The following NKAIN2 variants were observed in gnomAD, a reference collection of about 807,000 sequenced individuals.
NKAIN2 encodes the protein sodium/potassium-transporting ATPase subunit beta-1-interacting protein 2.
In NKAIN2, 14 loss-of-function variants were observed where a neutral mutation model predicts 32.6. The observed-to-expected ratio is 0.43, with a 90% CI of 0.28 to 0.67. The LOEUF (loss-of-function observed/expected upper bound fraction) is 0.67. Ranked by LOEUF, NKAIN2 falls within the 30% of genes least tolerant of loss-of-function variation. The pLI is 0.17. For synonymous variants in NKAIN2, 80 were observed against 87.2 expected, an observed-to-expected ratio of 0.92 and a Z score of 0.46; for missense variants, 198 against 258.3, an observed-to-expected ratio of 0.77 and a Z score of 1.60.
intron 1 of NKAIN2, among the ~76,000 whole-genome samples, chr6:124,185,281 A>T (rs1789661145): frequency 6.6e-6 from 1 of 152,126 alleles, no homozygotes; most frequent in Non-Finnish European, 1.5e-5. Context: ...TAAAAACAAA[A>T]CATTTTCAAT....
intron 3 of NKAIN2, among the ~76,000 whole-genome samples, chr6:124,541,363 T>C (rs990861065): frequency 6.6e-6 from 1 of 152,120 alleles, no homozygotes; most frequent in East Asian, 1.9e-4. Flanking sequence ...AACTCCAGTT[T>C]CCCCATTCAT....
intron 1 of NKAIN2, among the ~76,000 whole-genome samples, chr6:124,093,875 GT>G (rs1404334954): frequency 2.6e-5 from 4 of 152,090 alleles, no homozygotes; most frequent in Admixed American, 2.0e-4. Flanking sequence ...ACTAAAGGTT[GT>G]TGTTAGCATC....
intron 1 of NKAIN2, among the ~76,000 whole-genome samples, chr6:124,040,895 C>A (rs1276822725): frequency 6.6e-6 from 1 of 151,982 alleles, no homozygotes; most frequent in Admixed American, 6.6e-5. Context: ...AATAGTTAAA[C>A]CTCTGTCCTA....
chr6:124,798,957 T>C (rs761901006), intron 5 of NKAIN2, among the ~76,000 whole-genome samples: 1 of 152,162 alleles, frequency 6.6e-6, no homozygotes, highest in Non-Finnish European at 1.5e-5. Context: ...ATTTGCAAAA[T>C]AAATGAATGA....
At chr6:124,576,387 G>A (rs1056314116) in intron 3 of NKAIN2, among the ~76,000 whole-genome samples, 1 of 152,036 alleles carries the variant, frequency 6.6e-6, no homozygotes, top group Non-Finnish European at 1.5e-5. Context: ...CATTTCAAGC[G>A]GTAGAACTCA....
chr6:124,237,763 C>T (rs1392398230), intron 1 of NKAIN2, among the ~76,000 whole-genome samples: 1 of 151,998 alleles, frequency 6.6e-6, no homozygotes, highest in Non-Finnish European at 1.5e-5. Flanking sequence ...TCCAGTATAG[C>T]AATATCTTGA....
chr6:124,165,482 C>T (rs1043316053), intron 1 of NKAIN2, among the ~76,000 whole-genome samples: 2 of 151,838 alleles, frequency 1.3e-5, no homozygotes, highest in African/African-American at 4.8e-5. Flanking sequence ...ATATGTCCTC[C>T]AACTCTAACA....
chr6:124,695,411 C>T (rs557092948), intron 4 of NKAIN2, among the ~76,000 whole-genome samples: 1 of 152,284 alleles, frequency 6.6e-6, no homozygotes. Flanking sequence ...TAGCATGAAT[C>T]TCAGACAAAT....
chr6:123,810,548 T>G lies in NKAIN2; in HGVS notation c.54+6294T>G, dbSNP rs531450. On this transcript the variant is annotated intron_variant, in intron 1 of 6. Transcript: ENST00000368417. The stretch of plus-strand genomic sequence containing the variant: ...GAGCAAGTATCCATTGCTGTTCTCA[T>G]GCATTTGGGCCAACTTTTGACAGAT... Among the ~76,000 whole-genome samples the G allele has an allele frequency of 1.3e-4, 20 of 152,176 alleles. No individual in the cohort carries two copies. In the South Asian group the frequency reaches 1.7e-3, roughly 13 times the overall value.
chr6:124,536,053 C>T (rs909788117), intron 3 of NKAIN2, among the ~76,000 whole-genome samples: 12 of 152,148 alleles, frequency 7.9e-5, no homozygotes, highest in African/African-American at 1.2e-4. Flanking sequence ...CGTGGAGCCA[C>T]GCAGAAGAGG....
chr6:124,502,225 G>A (rs569942445), intron 3 of NKAIN2, among the ~76,000 whole-genome samples: 1 of 152,300 alleles, frequency 6.6e-6, no homozygotes, highest in African/African-American at 2.4e-5. Context: ...ATAGTAGCAT[G>A]CCAGGAGAGG....
At chr6:124,178,504 A>T (rs1453313355) in intron 1 of NKAIN2, among the ~76,000 whole-genome samples, 2 of 151,978 alleles carry the variant, frequency 1.3e-5, no homozygotes, top group Non-Finnish European at 2.9e-5. Flanking sequence ...TCACCGTGTT[A>T]GCCAGGATGG....
At chr6:124,403,774 A>G (rs1216054407) in intron 3 of NKAIN2, among the ~76,000 whole-genome samples, 1 of 152,166 alleles carries the variant, frequency 6.6e-6, no homozygotes, top group Non-Finnish European at 1.5e-5. Flanking sequence ...CCTTGCCTTT[A>G]GTTTACTAAT....
At chr6:124,408,258 T>G (rs968159007) in intron 3 of NKAIN2, among the ~76,000 whole-genome samples, 1 of 152,206 alleles carries the variant, frequency 6.6e-6, no homozygotes, top group East Asian at 1.9e-4. Flanking sequence ...GTTTTAGACA[T>G]GAAGTCCTTG....
At chr6:124,658,973 ACCT>A in intron 4 of NKAIN2, 1 of 151,188 alleles carries the variant, frequency 6.6e-6, no homozygotes, top group Admixed American at 6.6e-5. Context: ...AAAAAAAAAA[ACCT>A]CCTTCTACCA....
chr6:124,647,675 A>T (rs1784230770), intron 3 of NKAIN2, among the ~76,000 whole-genome samples: 1 of 152,046 alleles, frequency 6.6e-6, no homozygotes, highest in Non-Finnish European at 1.5e-5. Context: ...AAGAATGGAA[A>T]CAGGTTACAT....
intron 2 of NKAIN2, among the ~76,000 whole-genome samples, chr6:124,328,446 GA>G (rs1797506765): frequency 6.6e-6 from 1 of 152,086 alleles, no homozygotes; most frequent in South Asian, 2.1e-4. Context: ...TTGTGTTGGA[GA>G]AATTCAGGGG....
intron 1 of NKAIN2, among the ~76,000 whole-genome samples, chr6:124,218,881 A>C (rs527759772): frequency 6.6e-6 from 1 of 152,306 alleles, no homozygotes; most frequent in South Asian, 2.1e-4. Flanking sequence ...GTAATTTATG[A>C]AGGAAAGAGG....
At chr6:124,800,177 G>A (rs1780185619) in intron 5 of NKAIN2, among the ~76,000 whole-genome samples, 1 of 152,140 alleles carries the variant, frequency 6.6e-6, no homozygotes, top group South Asian at 2.1e-4. Context: ...GCTGGCCGGT[G>A]CCCACTTCCT....
Sources: gnomAD v4.1 joint callset for allele counts (sites outside exome capture counted in the v4.1 genomes callset) on GRCh38, gnomAD v4.1.1 for gene constraint, MANE v1.5 for transcripts, NCBI Gene and HGNC (gene_info 2026-07-23, HGNC 2026-07-21) for gene names.